The following SLC25A26 variants were observed in gnomAD, a reference collection of about 807,000 sequenced individuals.
SLC25A26 encodes the protein mitochondrial S-adenosylmethionine carrier protein.
In SLC25A26, 36 loss-of-function variants were observed where a neutral mutation model predicts 37.8. That is an observed-to-expected ratio of 0.95 (90% confidence interval 0.73 to 1.26). The LOEUF (loss-of-function observed/expected upper bound fraction) is 1.26, where lower values mean the gene tolerates loss of function less well. SLC25A26 is among the 50% of genes most tolerant of loss of function. SLC25A26 has a pLI of 0.00. For synonymous variants in SLC25A26, 129 were observed against 122.5 expected (o/e 1.05, Z -0.35); for missense variants, 390 against 331.1 (o/e 1.18, Z -1.38).
At chr3:66,265,027 T>C (rs1027350152) in intron 5 of SLC25A26, among the ~76,000 whole-genome samples, 7 of 152,192 alleles carry the variant, frequency 4.6e-5, no homozygotes, top group African/African-American at 1.7e-4. Flanking sequence ...AAGAACATGG[T>C]ATGGGCCAGG....
chr3:66,220,997 A>G (rs1553658013), upstream of SLC25A26: 3 of 1,346,256 alleles, frequency 2.2e-6, no homozygotes, highest in Non-Finnish European at 2.1e-6. Context: ...CGGAAGTTCA[A>G]GACAGACCCG....
chr3:66,227,197 CTTAT>C (rs1037198855), intron 1 of SLC25A26, among the ~76,000 whole-genome samples: 1 of 152,162 alleles, frequency 6.6e-6, no homozygotes, highest in Non-Finnish European at 1.5e-5. Flanking sequence ...AACTACTTTC[CTTAT>C]TTATGTTAAA....
chr3:66,175,857 G>A (rs2070579347), intron 1 of SLC25A26, among the ~76,000 whole-genome samples: 1 of 152,174 alleles, frequency 6.6e-6, no homozygotes, highest in Non-Finnish European at 1.5e-5. Flanking sequence ...CAGTGCACTG[G>A]TTTAAATGTT....
chr3:66,356,235 G>GAAATAAAAT (rs2076572437), intron 6 of SLC25A26, among the ~76,000 whole-genome samples: 6 of 152,134 alleles, frequency 3.9e-5, no homozygotes, highest in Non-Finnish European at 8.8e-5. Flanking sequence ...TCTGGGGTTG[G>GAAATAAAAT]ACTCCCAGCC....
At chr3:66,164,665 A>G (rs960404331) in intron 1 of SLC25A26, among the ~76,000 whole-genome samples, 3 of 152,204 alleles carry the variant, frequency 2.0e-5, no homozygotes, top group Non-Finnish European at 4.4e-5. Context: ...TATGTAATAT[A>G]TGATCTGTGT....
rs565780464 is a variant in SLC25A26 at position 66,295,673 on chromosome 3, T to C, written c.453+32294T>C. Reference sequence around the variant, plus strand: ...ACCTCGGCCTCCCGAAGATTTTTTGTATTTTTAATAGAGACGAGGTTTCAC... The same window carrying C: ...ACCTCGGCCTCCCGAAGATTTTTTGCATTTTTAATAGAGACGAGGTTTCAC... On this transcript the variant is annotated intron_variant, in intron 5 of 9. Transcript: ENST00000354883. Among the ~76,000 whole-genome samples the C allele has an allele frequency of 1.4e-3, 216 of 152,086 alleles. 1 individual carries two copies. The highest frequency in any genetic ancestry group is 4.9e-3 in the African/African-American group (204 of 41,530).
At chr3:66,261,936 A>G (rs758405923) in intron 3 of SLC25A26, 115 bp from the exon 4 acceptor site, 5 of 646,004 alleles carry the variant, frequency 7.7e-6, no homozygotes, top group Non-Finnish European at 1.4e-5. Context: ...ACTTTTTGAC[A>G]TCTTGCAGTA....
In SLC25A26 at chr3:66,238,533, C is replaced by A. The variant is rs140351592; in HGVS notation, c.190+1833C>A. 5.9e-3 allele frequency among the ~76,000 whole-genome samples: 895 copies of A among 152,142 alleles called. 13 individuals are homozygous for A. Among genetic ancestry groups the A allele is most frequent in the African/African-American group, 0.021 (861 of 41,482 alleles). ...GAGTAGCTGGGATTACAGGCACACG[C>A]CACCACACCTGGCTAATTTTTTTAT... On this transcript the variant is annotated intron_variant, in intron 2 of 9. Transcript: ENST00000354883.
chr3:66,321,191 C>CCGA (rs1371190231), intron 5 of SLC25A26, among the ~76,000 whole-genome samples: 1 of 152,230 alleles, frequency 6.6e-6, no homozygotes, highest in Non-Finnish European at 1.5e-5. Flanking sequence ...AATGCAAATT[C>CCGA]TCAGGTCCTA....
intron 5 of SLC25A26, among the ~76,000 whole-genome samples, chr3:66,339,306 T>G (rs1488083497): frequency 6.6e-6 from 1 of 152,062 alleles, no homozygotes; most frequent in Non-Finnish European, 1.5e-5. Flanking sequence ...GTTCTTTTTA[T>G]ATTTTAAACG....
intron 5 of SLC25A26, among the ~76,000 whole-genome samples, chr3:66,291,303 C>G (rs1223356440): frequency 1.3e-5 from 2 of 152,124 alleles, no homozygotes; most frequent in South Asian, 2.1e-4. Flanking sequence ...TTTTGTGTCT[C>G]TTTCTCCTTC....
At position 66,236,253 on chromosome 3, in the gene SLC25A26, G is replaced by A. The variant is rs36197639; in HGVS notation, c.34-291G>A. ...TTTTTTGGCTTTTTGAACCATGTGA[G>A]TACTATATTAACAATGAATTTAAAT... On this transcript the variant is annotated intron_variant, in intron 1 of 9. Coordinates refer to ENST00000354883, the MANE Select transcript of SLC25A26 (RefSeq NM_001379210.1). 0.14 allele frequency among the ~76,000 whole-genome samples: 18,465 copies of A among 128,440 alleles called. 1,562 individuals are homozygous for A. Among genetic ancestry groups the A allele is most frequent in the Non-Finnish European group, 0.18 (11,441 of 62,392 alleles). 84.3% of individuals were successfully genotyped at this position (128,440 alleles called of 152,430 possible). A position where few individuals can be genotyped will look rare whatever the true frequency, so the allele number is the denominator to read the frequency against.
intron 1 of SLC25A26, among the ~76,000 whole-genome samples, chr3:66,168,746 GT>G (rs1389794171): frequency 2.0e-5 from 3 of 152,152 alleles, no homozygotes; most frequent in Non-Finnish European, 4.4e-5. Flanking sequence ...GTTTGGGGCT[GT>G]CCCCCAAGGA....
At chr3:66,156,669 C>T (rs145579985) in intron 1 of SLC25A26, among the ~76,000 whole-genome samples, 2,582 of 152,228 alleles carry the variant, frequency 0.017, 32 homozygotes, top group Non-Finnish European at 0.028. Flanking sequence ...GGAGAAGAGA[C>T]AACCAGGCTC....
In SLC25A26 at chr3:66,349,256, G is replaced by A. The variant is rs983735691; in HGVS notation, c.498+2848G>A. On this transcript the variant is annotated intron_variant, in intron 6 of 9. Transcript: ENST00000354883. ...TCTGTCAAGTCGTTTCTTGAGGAAC[G>A]CTTTACATATGATAAAACTCACCCT... Among the ~76,000 whole-genome samples, 4 of 152,060 alleles carry A rather than the reference G, an allele frequency of 2.6e-5. No homozygotes were observed. In the South Asian group the frequency reaches 6.2e-4, roughly 24 times the overall value.
chr3:66,345,528 C>A, intron 5 of SLC25A26, among the ~76,000 whole-genome samples: 1 of 148,894 alleles, frequency 6.7e-6, no homozygotes, highest in South Asian at 2.2e-4. Flanking sequence ...CTTTCTTTCC[C>A]CTCCTTCCTG....
chr3:66,324,220 G>GTGTA (rs1559700278), intron 5 of SLC25A26: 2 of 121,646 alleles, frequency 1.6e-5, no homozygotes, highest in Non-Finnish European at 3.4e-5. Context: ...GTGTGTGTGT[G>GTGTA]TGTGTGTGTA....
chr3:66,230,675 C>CAA (rs1217998710), intron 1 of SLC25A26, among the ~76,000 whole-genome samples: 2 of 151,392 alleles, frequency 1.3e-5, no homozygotes, highest in East Asian at 3.9e-4. Flanking sequence ...CATGGTGGCT[C>CAA]ACGCCTGTAA....
chr3:66,205,202 C>T (rs1318829695), intron 1 of SLC25A26, among the ~76,000 whole-genome samples: 1 of 152,152 alleles, frequency 6.6e-6, no homozygotes, highest in African/African-American at 2.4e-5. Context: ...TTTCACACTC[C>T]TTGAACATGC....
Sources: gnomAD v4.1 joint callset for allele counts (sites outside exome capture counted in the v4.1 genomes callset) on GRCh38, gnomAD v4.1.1 for gene constraint, MANE v1.5 for transcripts, NCBI Gene and HGNC (gene_info 2026-07-23, HGNC 2026-07-21) for gene names.